CYP39A1: variants seen among roughly 807,000 people sequenced by gnomAD.
CYP39A1 encodes the protein cytochrome P450 family 39 subfamily A member 1.
Under a neutral mutation model 58.1 loss-of-function variants are expected in CYP39A1, and 49 were observed. The observed-to-expected ratio is 0.84, with a 90% CI of 0.67 to 1.07. The LOEUF is 1.07. CYP39A1 is among the 50% of genes least tolerant of loss of function. CYP39A1 has a pLI of 0.00. For missense variants in CYP39A1, 531 were observed against 539.4 expected (o/e 0.98, Z 0.16); for synonymous variants, 209 against 187.6 (o/e 1.11, Z -0.93).
intron 5 of CYP39A1, among the ~76,000 whole-genome samples, chr6:46,635,275 A>C (rs1019928382): frequency 6.6e-6 from 1 of 152,206 alleles, no homozygotes; most frequent in South Asian, 2.1e-4. Context: ...ACAAAAATTA[A>C]ATCATTTAAT....
At chr6:46,578,714 A>C (rs943949977) in intron 10 of CYP39A1, among the ~76,000 whole-genome samples, 1 of 152,062 alleles carries the variant, frequency 6.6e-6, no homozygotes, top group African/African-American at 2.4e-5. Context: ...AGTTCCTGGA[A>C]ACATGCAGCT....
At position 46,558,945 on chromosome 6, in the gene CYP39A1, G is replaced by A. The variant is rs141456754; in HGVS notation, c.1251-5091C>T. On this transcript the variant is annotated intron_variant, in intron 10 of 11. Coordinates refer to ENST00000275016, the MANE Select transcript of CYP39A1 (RefSeq NM_016593.5). ...TGGGAAGCAGGGGGTGCAGTGAGCC[G>A]AGATCGCGCCACTGCGCTCCAACCT... Among the ~76,000 whole-genome samples, 867 of 147,284 alleles carry A rather than the reference G, an allele frequency of 5.9e-3. 12 individuals are homozygous for A. The highest frequency in any genetic ancestry group is 0.02 in the African/African-American group (781 of 39,554).
At chr6:46,586,784 A>C (rs1772493210) in intron 10 of CYP39A1, among the ~76,000 whole-genome samples, 1 of 152,084 alleles carries the variant, frequency 6.6e-6, no homozygotes, top group Non-Finnish European at 1.5e-5. Flanking sequence ...CACTCAAACC[A>C]CTTCCAATTA....
Position 46,652,418 on chromosome 6 carries a change from T to A in CYP39A1, c.165A>T (p.Lys55Asn). Residue 55 changes from lysine to asparagine, a missense_variant, in exon 1 of 12, where the codon AAA becomes AAT. Coordinates refer to ENST00000275016, the MANE Select transcript of CYP39A1 (RefSeq NM_016593.5). ...FGKAPLEFIE[K>N]ARIKYGPIFT... ...CACGACCACATACCTTGATTCTTGCTTTCTCTATAAATTCTAGAGGGGCTT... is the reference window on the plus strand; with the variant it reads ...CACGACCACATACCTTGATTCTTGCATTCTCTATAAATTCTAGAGGGGCTT... 6.2e-7 allele frequency: 1 copy of A among 1,612,150 alleles called. No individual in the cohort carries two copies. Among genetic ancestry groups the A allele is most frequent in the Non-Finnish European group, 8.5e-7 (1 of 1,179,330 alleles).
chr6:46,599,387 G>A (rs1276941752), intron 7 of CYP39A1, among the ~76,000 whole-genome samples: 1 of 152,108 alleles, frequency 6.6e-6, no homozygotes, highest in East Asian at 1.9e-4. Context: ...CAAAAATAAA[G>A]AGCATGTTCA....
intron 7 of CYP39A1, among the ~76,000 whole-genome samples, chr6:46,600,365 C>T (rs756409931): frequency 6.6e-6 from 1 of 152,030 alleles, no homozygotes; most frequent in Non-Finnish European, 1.5e-5. Context: ...TAGTGATCTG[C>T]CCACCTCAGC....
intron 10 of CYP39A1, among the ~76,000 whole-genome samples, chr6:46,566,072 C>T (rs1349337167): frequency 1.3e-5 from 2 of 152,238 alleles, no homozygotes; most frequent in Non-Finnish European, 2.9e-5. Flanking sequence ...CAGCCCTTCT[C>T]GATTTGACAT....
chr6:46,616,142 TTC>T (rs1285293769), intron 7 of CYP39A1, among the ~76,000 whole-genome samples: 1 of 178 alleles, frequency 5.6e-3, no homozygotes, highest in Non-Finnish European at 0.018. Flanking sequence ...CTTTCTTTCT[TTC>T]TTTCTTTCTT....
chr6:46,569,757 T>C lies in CYP39A1; in HGVS notation c.1251-15903A>G, dbSNP rs542189519. Among the ~76,000 whole-genome samples, 26 of 152,256 alleles carry C rather than the reference T, an allele frequency of 1.7e-4. 3 individuals carry two copies. The South Asian group carries it at 4.6e-3, about 27-fold the overall frequency. ...GGTGTATGATCCTTTTAATTTGCTG[T>C]TGAATACAGGTGCTAGTATTTTTTT... On this transcript the variant is annotated intron_variant, in intron 10 of 11. Coordinates refer to ENST00000275016, the MANE Select transcript of CYP39A1 (RefSeq NM_016593.5).
Position 46,645,617 on chromosome 6 carries a change from A to G in CYP39A1, c.178-3319T>C, listed in dbSNP as rs190474215. Among the ~76,000 whole-genome samples, 6 of 152,216 alleles carry G rather than the reference A, an allele frequency of 3.9e-5. 1 individual carries two copies. Among genetic ancestry groups the G allele is most frequent in the Admixed American group, 3.3e-4 (5 of 15,290 alleles). ...TGAGTGGAATGATTCCTCTCATTCT[A>G]TTCTACTTTTTCAAAATTGTTTTAT... On this transcript the variant is annotated intron_variant, in intron 1 of 11. Coordinates refer to ENST00000275016, the MANE Select transcript of CYP39A1 (RefSeq NM_016593.5).
intron 7 of CYP39A1, among the ~76,000 whole-genome samples, chr6:46,608,636 C>T (rs941648027): frequency 1.3e-5 from 2 of 150,364 alleles, no homozygotes; most frequent in African/African-American, 4.9e-5. Flanking sequence ...TTTTTTGAGA[C>T]GGAGTCTCAC....
rs149267964 is a variant in CYP39A1, at chr6:46,644,347, T to C, written c.178-2049A>G. On this transcript the variant is annotated intron_variant, in intron 1 of 11. Transcript: ENST00000275016. The stretch of plus-strand genomic sequence containing the variant: ...TCTGAGTAGTATTCCACTGTATGAA[T>C]GTACGACAGTTTATTTAAACATTAT... Among the ~76,000 whole-genome samples, 120 of 152,324 alleles carry C rather than the reference T, an allele frequency of 7.9e-4. 1 individual carries two copies. The highest frequency in any genetic ancestry group is 2.6e-3 in the African/African-American group (109 of 41,580).
intron 9 of CYP39A1, 35 bp from the exon 10 acceptor site, chr6:46,587,200 C>T (rs754219308): frequency 7.4e-7 from 1 of 1,357,718 alleles, no homozygotes; most frequent in Non-Finnish European, 1.0e-6. Flanking sequence ...TCCAAATCAG[C>T]CTTATATAAA....
intron 7 of CYP39A1, among the ~76,000 whole-genome samples, chr6:46,598,022 C>G (rs574160152): frequency 6.6e-6 from 1 of 152,216 alleles, no homozygotes; most frequent in Non-Finnish European, 1.5e-5. Flanking sequence ...AATAAGTATG[C>G]CTTCTGCATC....
At chr6:46,617,772 G>A (rs1458550991) in intron 7 of CYP39A1, among the ~76,000 whole-genome samples, 2 of 152,104 alleles carry the variant, frequency 1.3e-5, no homozygotes, top group African/African-American at 2.4e-5. Context: ...TGTTTAGGAA[G>A]GATGATCCAA....
chr6:46,618,751 A>G (rs1375250476), intron 7 of CYP39A1, among the ~76,000 whole-genome samples: 4 of 151,986 alleles, frequency 2.6e-5, no homozygotes, highest in Non-Finnish European at 5.9e-5. Context: ...TTTTAAAATA[A>G]TATTTCTTAA....
intron 8 of CYP39A1, among the ~76,000 whole-genome samples, chr6:46,592,886 G>T (rs981867239): frequency 6.6e-6 from 1 of 152,126 alleles, no homozygotes; most frequent in Non-Finnish European, 1.5e-5. Flanking sequence ...AACCTGGGAG[G>T]TGGTGGTTGC....
intron 9 of CYP39A1, 23 bp downstream of exon 9, chr6:46,588,011 A>G (rs1772572582): frequency 7.5e-7 from 1 of 1,330,078 alleles, no homozygotes; most frequent in Non-Finnish European, 1.1e-6. Flanking sequence ...AAAGAATAAT[A>G]TATACTGAAA....
In CYP39A1 at chr6:46,549,662, G is replaced by C. The variant is rs1010960736; in HGVS notation, c.*704C>G. ...GCCAAACTATAATTGCAAACACTTT[G>C]AGTCAAAACAATGCTTCCAGGTTAA... is the stretch of plus-strand genomic sequence containing the variant. On this transcript the variant is annotated 3_prime_UTR_variant, in exon 12 of 12. Transcript: ENST00000275016. 6.6e-6 allele frequency: 1 copy of C among 152,070 alleles called. No individual in the cohort carries two copies. The highest frequency in any genetic ancestry group is 1.5e-5 in the Non-Finnish European group (1 of 68,018). 9.4% of individuals were successfully genotyped at this position (152,070 alleles called of 1,614,324 possible). A position where few individuals can be genotyped will look rare whatever the true frequency, so the allele number is the denominator to read the frequency against.
Sources: gnomAD v4.1 joint callset for allele counts (sites outside exome capture counted in the v4.1 genomes callset) on GRCh38, gnomAD v4.1.1 for gene constraint, MANE v1.5 for transcripts, NCBI Gene and HGNC (gene_info 2026-07-23, HGNC 2026-07-21) for gene names.